Variants in ZNF284 observed in about 807,000 individuals in gnomAD.
The protein encoded by ZNF284 is zinc finger protein 284.
Under a neutral mutation model 12.9 loss-of-function variants are expected in ZNF284, and 12 were observed. The ratio of observed to expected loss-of-function variants is 0.93; its 90% CI spans 0.60 to 1.51. The LOEUF (loss-of-function observed/expected upper bound fraction) is 1.51, where lower values mean the gene tolerates loss of function less well. Ranked by LOEUF, ZNF284 falls within the 40% of genes most tolerant of loss-of-function variation. The probability of loss-of-function intolerance (pLI) is 0.00; values close to 1 mark genes in which losing one functional copy is unlikely to be tolerated. For missense variants in ZNF284, 667 were observed against 707.3 expected (o/e 0.94, Z 0.65); for synonymous variants, 225 against 236.5 (o/e 0.95, Z 0.45).
At chr19:44,080,888 GTA>G (rs1362300586) in intron 2 of ZNF284, 125 bp from the exon 3 acceptor site, 1 of 1,234,672 alleles carries the variant, frequency 8.1e-7, no homozygotes, top group Non-Finnish European at 1.1e-6. Flanking sequence ...TGGGAAATCT[GTA>G]TGTTGACCTA....
At chr19:44,078,952 G>A (rs1021180792) in intron 2 of ZNF284, among the ~76,000 whole-genome samples, 7 of 151,914 alleles carry the variant, frequency 4.6e-5, no homozygotes, top group South Asian at 2.1e-4. Flanking sequence ...CACCATGCTC[G>A]GCTAATTTTT....
intron 2 of ZNF284, among the ~76,000 whole-genome samples, chr19:44,078,241 C>G (rs895914789): frequency 6.6e-6 from 1 of 152,026 alleles, no homozygotes; most frequent in Non-Finnish European, 1.5e-5. Context: ...TATTTATATT[C>G]AAATACATGG....
intron 2 of ZNF284, among the ~76,000 whole-genome samples, chr19:44,080,696 C>T (rs1204488456): frequency 6.6e-6 from 1 of 152,204 alleles, no homozygotes; most frequent in Non-Finnish European, 1.5e-5. Flanking sequence ...GCTGGAGCAA[C>T]TGGCAAGATT....
chr19:44,082,619 G>T (rs909055368), intron 4 of ZNF284, among the ~76,000 whole-genome samples: 4 of 152,144 alleles, frequency 2.6e-5, no homozygotes, highest in African/African-American at 9.7e-5. Context: ...AAAAATCAGG[G>T]TGTCCCTAGG....
intron 1 of ZNF284, among the ~76,000 whole-genome samples, chr19:44,074,455 A>G (rs895155088): frequency 6.6e-6 from 1 of 151,912 alleles, no homozygotes; most frequent in Non-Finnish European, 1.5e-5. Context: ...ATTCTCATAT[A>G]CTCTTTACCC....
Position 44,085,891 on chromosome 19 carries a change from C to G in ZNF284, c.413C>G (p.Ser138Cys). The change falls in exon 5 of 5, where the codon TCT (serine) becomes TGT (cysteine). Residue 138 changes from serine to cysteine, a missense_variant. Ser to Cys is a moderately radical substitution (Grantham distance 112). Transcript: ENST00000421176. ...CCCTCCCAGGTTGACGCAGGACTAT[C>G]TATAATTCACATAGGAGAGACACCT... The part of the protein sequence containing the change: ...DVPSQVDAGL[S>C]IIHIGETPSE... 1 of 1,614,190 alleles carries G rather than the reference C, an allele frequency of 6.2e-7. No homozygotes were observed. Among genetic ancestry groups the G allele is most frequent in the Non-Finnish European group, 8.5e-7 (1 of 1,180,002 alleles).
Position 44,088,946 on chromosome 19 carries a change from A to G in ZNF284, c.*1686A>G, listed in dbSNP as rs759119873. ...AGAAATCCTTCTGCCTCAGCCCCTC[A>G]AAAGCTGGGACTATAGGCATGCAAC... On this transcript the variant is annotated 3_prime_UTR_variant, in exon 5 of 5. Transcript: ENST00000421176. 1.3e-5 allele frequency: 2 copies of G among 151,760 alleles called. No individual in the cohort carries two copies. Among genetic ancestry groups the G allele is most frequent in the Non-Finnish European group, 2.9e-5 (2 of 68,010 alleles). The allele number at this position is 151,760 out of a possible 1,614,324, so 9.4% of individuals were successfully genotyped here. A position where few individuals can be genotyped will look rare whatever the true frequency, so the allele number is the denominator to read the frequency against.
At chr19:44,083,474 T>TATATAGAGAGAGAGAGAGAG (rs746837013) in intron 4 of ZNF284, among the ~76,000 whole-genome samples, 1 of 64,926 alleles carries the variant, frequency 1.5e-5, no homozygotes, top group African/African-American at 5.0e-5. Flanking sequence ...TATATATATA[T>TATATAGAGAGAGAGAGAGAG]AGAGAGAGAG....
chr19:44,086,890 T>G lies in ZNF284; in HGVS notation c.1412T>G (p.Leu471Trp). The change falls in exon 5 of 5, where the codon TTG (leucine) becomes TGG (tryptophan). Residue 471 changes from leucine to tryptophan, a missense_variant. By Grantham distance (61) the Leu-to-Trp change is moderately conservative (BLOSUM62 -2). Transcript: ENST00000421176. ...GKSFRWASGILRHKRLHTGEK... is the reference protein window; with the variant it reads ...GKSFRWASGIWRHKRLHTGEK... ...AGCTTCAGGTGGGCCTCAGGTATTT[T>G]GAGACATAAGAGACTCCATACTGGA... The G allele has an allele frequency of 6.2e-7, 1 of 1,613,878 alleles. No individual in the cohort carries two copies. The highest frequency in any genetic ancestry group is 8.5e-7 in the Non-Finnish European group (1 of 1,179,936).
In ZNF284 at chr19:44,082,113, C is replaced by T. The variant is rs1308595222; in HGVS notation, c.235+8C>T. The T allele has an allele frequency of 6.2e-7, 1 of 1,607,516 alleles. No individual in the cohort carries two copies. The highest frequency in any genetic ancestry group is 1.1e-5 in the South Asian group (1 of 90,848). On this transcript the variant is annotated splice_region_variant and intron_variant, in intron 4 of 4. Transcript: ENST00000421176. ...AAAGAGAAGGGAATTCAGGTAAGAA[C>T]CAAGCAACGATGCATCCTTGTACGT...
rs60706930 is a variant in ZNF284, at chr19:44,088,820, C to CTTTTTTTTT, written c.*1567_*1575dup. 1 of 141,934 alleles carries CTTTTTTTTT rather than the reference C, an allele frequency of 7.0e-6. No individual in the cohort carries two copies. 8.8% of individuals were successfully genotyped at this position (141,934 alleles called of 1,614,324 possible). On this transcript the variant is annotated 3_prime_UTR_variant, in exon 5 of 5. Coordinates refer to ENST00000421176, the MANE Select transcript of ZNF284 (RefSeq NM_001037813.4). Reference sequence around the variant, plus strand: ...CTGACCATTATTAGGCAAGAATTGGCTTTTTTTTTTTTTTTCTTTTGAGAC... The same window carrying CTTTTTTTTT: ...CTGACCATTATTAGGCAAGAATTGGCTTTTTTTTTTTTTTTTTTTTTTTTCTTTTGAGAC...
In ZNF284 at chr19:44,087,134, A is replaced by G; in HGVS notation, c.1656A>G (p.Ser552=). The change falls in exon 5 of 5, where the codon TCA becomes TCG. Residue 552 remains serine (S), a synonymous_variant. Coordinates refer to ENST00000421176, the MANE Select transcript of ZNF284 (RefSeq NM_001037813.4). ...EDCGKSSEHS[S]CLQDQQSDHS... ...GTGGGAAGAGCAGTGAGCACAGTTC[A>G]TGCCTTCAAGACCAACAAAGCGACC... 1 of 1,614,180 alleles carries G rather than the reference A, an allele frequency of 6.2e-7. No individual in the cohort carries two copies. Among genetic ancestry groups the G allele is most frequent in the South Asian group, 1.1e-5 (1 of 91,080 alleles).
intron 2 of ZNF284, among the ~76,000 whole-genome samples, chr19:44,080,460 C>T (rs1035123546): frequency 5.9e-5 from 9 of 152,144 alleles, no homozygotes; most frequent in Non-Finnish European, 1.3e-4. Flanking sequence ...GTGGCAGGTG[C>T]CTATAATCCC....
In ZNF284 at chr19:44,076,393, A is replaced by G; in HGVS notation, c.4A>G (p.Thr2Ala). 7 of 1,609,738 alleles carry G rather than the reference A, an allele frequency of 4.3e-6. No individual in the cohort carries two copies. The highest frequency in any genetic ancestry group is 5.9e-6 in the Non-Finnish European group (7 of 1,177,720). ...ATTCCCCAAAGAAGGAGGAAAAATG[A>G]CCATGTTCAAGGTGAGTAAGTCTGG... M[T>A]MFKEAVTFKD... The change falls in exon 2 of 5, where the codon ACC becomes GCC. Residue 2 changes from threonine (T) to alanine (A), a missense_variant. Transcript: ENST00000421176.
chr19:44,081,980 G>A (rs1408075721), intron 3 of ZNF284, 33 bp from the exon 4 acceptor site: 5 of 1,562,790 alleles, frequency 3.2e-6, no homozygotes, highest in Non-Finnish European at 4.4e-6. Flanking sequence ...TACCTAAGAT[G>A]TATTGGGATT....
At chr19:44,083,505 A>AGAGAGAGAGAGAG in intron 4 of ZNF284, among the ~76,000 whole-genome samples, 1 of 109,622 alleles carries the variant, frequency 9.1e-6, no homozygotes, top group African/African-American at 3.1e-5. Flanking sequence ...AGAGAGAGGG[A>AGAGAGAGAGAGAG]ATGGAATACC....
At chr19:44,073,785 T>C (rs1004304377) in intron 1 of ZNF284, among the ~76,000 whole-genome samples, 10 of 152,076 alleles carry the variant, frequency 6.6e-5, no homozygotes, top group African/African-American at 2.2e-4. Flanking sequence ...CCTGACCTCA[T>C]GATCCACCAG....
At chr19:44,083,503 G>GAGAGAGAGAGA (rs1568522606) in intron 4 of ZNF284, among the ~76,000 whole-genome samples, 2 of 22,418 alleles carry the variant, frequency 8.9e-5, no homozygotes, top group African/African-American at 1.9e-4. Context: ...AGAGAGAGAG[G>GAGAGAGAGAGA]GAATGGAATA....
In ZNF284 at chr19:44,085,876, T is replaced by C. The variant is rs550263774; in HGVS notation, c.398T>C (p.Val133Ala). 7.2e-5 allele frequency: 117 copies of C among 1,614,180 alleles called. 2 individuals are homozygous for C. In the South Asian group the frequency reaches 1.0e-3, roughly 14 times the overall value. The change falls in exon 5 of 5, where the codon GTT becomes GCT. Residue 133 changes from valine to alanine, a missense_variant. Transcript: ENST00000421176. ...FSTQGDVPSQ[V>A]DAGLSIIHIG... ...ACACAAGGTGATGTCCCCTCCCAGG[T>C]TGACGCAGGACTATCTATAATTCAC...
Sources: allele counts gnomAD v4.1 joint callset (sites outside exome capture counted in the v4.1 genomes callset), GRCh38; gene constraint gnomAD v4.1.1; transcripts MANE v1.5; gene names NCBI Gene and HGNC (gene_info 2026-07-23, HGNC 2026-07-21).